USP9X: variants seen among roughly 807,000 people sequenced by gnomAD.
The protein encoded by USP9X is ubiquitin carboxyl-terminal hydrolase 9X.
USP9X carries 7 observed loss-of-function variants against 190.3 expected under a neutral mutation model. The observed-to-expected ratio is 0.04, with a 90% CI of 0.02 to 0.07. The LOEUF (loss-of-function observed/expected upper bound fraction) is 0.07. Ranked by LOEUF, USP9X falls within the 10% of genes least tolerant of loss-of-function variation. The probability of loss-of-function intolerance (pLI) is 1.00; values close to 1 mark genes in which losing one functional copy is unlikely to be tolerated. For synonymous variants in USP9X, 645 were observed against 659.5 expected, an observed-to-expected ratio of 0.98 and a Z score of 0.34; for missense variants, 1,010 against 1,916.9, an observed-to-expected ratio of 0.53 and a Z score of 8.83.
intron 2 of USP9X, among the ~76,000 whole-genome samples, chrX:41,128,079 G>A (rs990117798): frequency 8.9e-6 from 1 of 111,813 alleles, no homozygotes; most frequent in African/African-American, 3.2e-5. Flanking sequence ...AAATAGCCAC[G>A]TTAGTTGAAA....
chrX:41,216,783 C>T, intron 35 of USP9X, 131 bp downstream of exon 35: 1 of 795,197 alleles, frequency 1.3e-6, no homozygotes, highest in Admixed American at 3.9e-5. Context: ...TGGTTCACGC[C>T]TGTAATCCCA....
At chrX:41,175,148 G>A (rs1019829092) in intron 21 of USP9X, among the ~76,000 whole-genome samples, 10 of 111,648 alleles carry the variant, frequency 9.0e-5, no homozygotes, top group Non-Finnish European at 1.5e-4. Context: ...TGGCCAGTGG[G>A]AGTCCTTTCA....
chrX:41,145,972 A>G (rs1317478991), intron 11 of USP9X, among the ~76,000 whole-genome samples: 4 of 111,916 alleles, frequency 3.6e-5, no homozygotes, highest in Admixed American at 1.9e-4. Context: ...TGGTTTTTAT[A>G]TATTTTGTTT....
intron 41 of USP9X, among the ~76,000 whole-genome samples, chrX:41,225,399 G>T (rs1024042505): frequency 8.9e-6 from 1 of 112,065 alleles, no homozygotes; most frequent in East Asian, 2.8e-4. Flanking sequence ...GGAGGAGCTA[G>T]CTTGGGCATT....
chrX:41,094,974 A>T (rs1170592590), intron 1 of USP9X, among the ~76,000 whole-genome samples: 2 of 107,872 alleles, frequency 1.9e-5, no homozygotes, highest in Non-Finnish European at 3.8e-5. Context: ...CAGGAGGTGG[A>T]GGTTGCAGTG....
intron 1 of USP9X, among the ~76,000 whole-genome samples, chrX:41,089,214 TGTC>T (rs1331800517): frequency 1.8e-5 from 2 of 112,422 alleles, no homozygotes; most frequent in African/African-American, 6.5e-5. Context: ...GAGCATTAAT[TGTC>T]TGTCAGCACT....
intron 2 of USP9X, 124 bp downstream of exon 2, chrX:41,123,848 G>C: frequency 1.6e-6 from 1 of 633,006 alleles, no homozygotes; most frequent in East Asian, 3.7e-5. Context: ...TTTGAGACCA[G>C]CCTGGTCAAC....
At chrX:41,200,528 C>T (rs2063032431) in intron 30 of USP9X, among the ~76,000 whole-genome samples, 1 of 111,738 alleles carries the variant, frequency 8.9e-6, no homozygotes, top group Non-Finnish European at 1.9e-5. Flanking sequence ...GCAAGTGTTA[C>T]TTTTATTATT....
chrX:41,098,621 G>C (rs1008226231), intron 1 of USP9X, among the ~76,000 whole-genome samples: 6 of 109,584 alleles, frequency 5.5e-5, no homozygotes, highest in Non-Finnish European at 9.5e-5. Flanking sequence ...GCAGTGGCGA[G>C]CTTGGCTAAC....
chrX:41,120,018 T>C (rs1601947772), intron 1 of USP9X, among the ~76,000 whole-genome samples: 2 of 111,185 alleles, frequency 1.8e-5, no homozygotes, highest in South Asian at 3.7e-4. Flanking sequence ...ATTTTTTTTT[T>C]CCACTTTATG....
intron 25 of USP9X, 100 bp downstream of exon 25, chrX:41,188,217 C>A: frequency 1.2e-6 from 1 of 847,080 alleles, no homozygotes; most frequent in South Asian, 3.6e-5. Flanking sequence ...AAAATTGAAT[C>A]ACTTGCATCT....
chrX:41,206,151 A>G (rs989726553), intron 32 of USP9X, among the ~76,000 whole-genome samples: 4 of 111,153 alleles, frequency 3.6e-5, no homozygotes, highest in African/African-American at 1.3e-4. Context: ...TCAGCCTCCC[A>G]AAGTGCTGGG....
At chrX:41,195,325 G>A (rs1265262919) in intron 26 of USP9X, among the ~76,000 whole-genome samples, 4 of 111,274 alleles carry the variant, frequency 3.6e-5, no homozygotes, top group Middle Eastern at 4.7e-3. Context: ...GTGAGCCACC[G>A]CACCCAGCCT....
Position 41,162,816 on chromosome X carries a change from G to C in USP9X, c.1924G>C (p.Val642Leu). ...CCATGAAGATTATGACCCACAAACT[G>C]TGAGGCTGGGAAGTAGATATAGTCA... ...RDHEDYDPQTVRLGSRYSHVQ... is the reference protein window; with the variant it reads ...RDHEDYDPQTLRLGSRYSHVQ... The change falls in exon 15 of 45, where the codon GTG becomes CTG. Residue 642 changes from valine to leucine, a missense_variant. By Grantham distance (32) the Val-to-Leu change is conservative. Transcript: ENST00000378308. 1.7e-6 allele frequency: 2 copies of C among 1,209,587 alleles called. No individual in the cohort carries two copies. Among genetic ancestry groups the C allele is most frequent in the Non-Finnish European group, 2.2e-6 (2 of 894,407 alleles).
intron 31 of USP9X, among the ~76,000 whole-genome samples, chrX:41,201,631 C>T (rs949814141): frequency 1.8e-5 from 2 of 112,270 alleles, no homozygotes; most frequent in Non-Finnish European, 3.8e-5. Flanking sequence ...CACTACCTAC[C>T]AGAATTTAAA....
intron 1 of USP9X, among the ~76,000 whole-genome samples, chrX:41,089,129 A>T (rs1019458566): frequency 3.5e-5 from 4 of 112,736 alleles, no homozygotes; most frequent in Non-Finnish European, 7.5e-5. Flanking sequence ...TCATGTTGTT[A>T]GAACTTTCAA....
intron 26 of USP9X, chrX:41,195,894 A>G: frequency 8.6e-6 from 3 of 347,366 alleles, no homozygotes; most frequent in Non-Finnish European, 1.7e-5. Flanking sequence ...GCAGAACCAC[A>G]GTTGAATAAA....
chrX:41,186,846 A>G (rs1419319993), intron 24 of USP9X, among the ~76,000 whole-genome samples: 1 of 92,974 alleles, frequency 1.1e-5, no homozygotes, highest in Admixed American at 1.1e-4. Context: ...TTTTTTTTTG[A>G]GACGGAGTCT....
At chrX:41,209,869 A>G (rs1332456463) in intron 32 of USP9X, among the ~76,000 whole-genome samples, 1 of 111,961 alleles carries the variant, frequency 8.9e-6, no homozygotes. Context: ...CTCTATATAC[A>G]TTATTCTGTA....
Sources: allele counts gnomAD v4.1 joint callset (sites outside exome capture counted in the v4.1 genomes callset), GRCh38; gene constraint gnomAD v4.1.1; transcripts MANE v1.5; gene names NCBI Gene and HGNC (gene_info 2026-07-23, HGNC 2026-07-21).